The following MARCHF3 variants were observed in gnomAD, a reference collection of about 807,000 sequenced individuals.
MARCHF3 encodes the protein membrane associated ring-CH-type finger 3.
A neutral mutation model predicts 24.2 loss-of-function variants in MARCHF3; 13 were observed. That is an observed-to-expected ratio of 0.54 (90% CI 0.35 to 0.85). MARCHF3 has a LOEUF of 0.85. Among genes scored for constraint, MARCHF3 ranks in the 40% least tolerant of loss-of-function variants. The probability of loss-of-function intolerance (pLI) is 0.01; values close to 1 mark genes in which losing one functional copy is unlikely to be tolerated. For synonymous variants in MARCHF3, 144 were observed against 137.3 expected (o/e 1.05, Z -0.34); for missense variants, 276 against 325.0 (o/e 0.85, Z 1.16).
chr5:126,981,450 A>T (rs1261022474), intron 1 of MARCHF3, among the ~76,000 whole-genome samples: 1 of 152,220 alleles, frequency 6.6e-6, no homozygotes, highest in Non-Finnish European at 1.5e-5. Flanking sequence ...CTAACTTAGT[A>T]AGACGAGTCT....
intron 1 of MARCHF3, among the ~76,000 whole-genome samples, chr5:127,015,490 C>A (rs1206452938): frequency 6.6e-6 from 1 of 152,142 alleles, no homozygotes; most frequent in Non-Finnish European, 1.5e-5. Context: ...TGGCAAATGA[C>A]ACCACCCACA....
intron 3 of MARCHF3, among the ~76,000 whole-genome samples, chr5:126,897,056 T>TTTTTTTTTTTTTTTTTG (rs70997319): frequency 6.7e-6 from 1 of 148,948 alleles, no homozygotes; most frequent in Non-Finnish European, 1.5e-5. Flanking sequence ...TTTTTTTTTT[T>TTTTTTTTTTTTTTTTTG]GAGATGGAGT....
chr5:126,885,439 T>G (rs1753480774), intron 3 of MARCHF3, among the ~76,000 whole-genome samples: 1 of 152,020 alleles, frequency 6.6e-6, no homozygotes, highest in South Asian at 2.1e-4. Flanking sequence ...TGGTGGTGCA[T>G]GCCTGTAATC....
At chr5:126,920,449 T>C (rs990013762) in intron 1 of MARCHF3, among the ~76,000 whole-genome samples, 2 of 152,178 alleles carry the variant, frequency 1.3e-5, no homozygotes, top group African/African-American at 2.4e-5. Context: ...AAGGCAGCCA[T>C]AGATTAAGAG....
intron 1 of MARCHF3, among the ~76,000 whole-genome samples, chr5:126,921,436 GC>G (rs1749104324): frequency 6.6e-6 from 1 of 152,176 alleles, no homozygotes; most frequent in South Asian, 2.1e-4. Flanking sequence ...GACCTCACAA[GC>G]TGCATGCACC....
At chr5:126,904,828 A>T (rs1234863520) in intron 3 of MARCHF3, among the ~76,000 whole-genome samples, 2 of 150,334 alleles carry the variant, frequency 1.3e-5, no homozygotes, top group Non-Finnish European at 3.0e-5. Context: ...ATTAGATCCC[A>T]TTTGTCAATT....
chr5:126,973,881 T>A (rs1338137731), intron 1 of MARCHF3, among the ~76,000 whole-genome samples: 5 of 24,032 alleles, frequency 2.1e-4, no homozygotes, highest in Admixed American at 8.5e-4. Flanking sequence ...CAAAATCTAT[T>A]TTTTTTTTTT....
intron 1 of MARCHF3, among the ~76,000 whole-genome samples, chr5:127,017,078 C>T (rs972119152): frequency 5.3e-5 from 8 of 151,924 alleles, no homozygotes; most frequent in African/African-American, 9.7e-5. Context: ...AACACTTGGA[C>T]GCAGGGAGGG....
chr5:126,878,125 T>C, intron 4 of MARCHF3, 60 bp downstream of exon 4: 9 of 1,539,046 alleles, frequency 5.8e-6, no homozygotes, highest in Non-Finnish European at 8.1e-6. Context: ...GAAAGGCTTG[T>C]GCCAGCTGTG....
chr5:126,960,260 T>C (rs773948592), intron 1 of MARCHF3, among the ~76,000 whole-genome samples: 5 of 152,152 alleles, frequency 3.3e-5, no homozygotes, highest in Non-Finnish European at 5.9e-5. Context: ...TTCATCAAAT[T>C]GTTTACGGTT....
At chr5:126,934,994 ATCATTACTTCCATAT>A (rs1374765829) in intron 1 of MARCHF3, among the ~76,000 whole-genome samples, 1 of 152,200 alleles carries the variant, frequency 6.6e-6, no homozygotes, top group Non-Finnish European at 1.5e-5. Flanking sequence ...TTGGAATGGT[ATCATTACTTCCATAT>A]TCAGAAATAT....
chr5:126,972,258 A>AAAG (rs1477123976), intron 1 of MARCHF3, among the ~76,000 whole-genome samples: 1 of 152,036 alleles, frequency 6.6e-6, no homozygotes, highest in African/African-American at 2.4e-5. Context: ...AAAAAAAAAA[A>AAAG]AAAAAAAATT....
chr5:126,932,649 AG>A (rs1158457433), intron 1 of MARCHF3, among the ~76,000 whole-genome samples: 6 of 152,242 alleles, frequency 3.9e-5, no homozygotes, highest in African/African-American at 4.8e-5. Context: ...TGAAGTATGC[AG>A]AGAATATTAT....
chr5:126,993,015 G>A (rs371274242), intron 1 of MARCHF3, among the ~76,000 whole-genome samples: 55 of 152,074 alleles, frequency 3.6e-4, no homozygotes, highest in African/African-American at 1.2e-3. Flanking sequence ...CTCGTGATCC[G>A]TCCGCCTCGG....
chr5:126,894,647 C>T (rs1382796728), intron 3 of MARCHF3, among the ~76,000 whole-genome samples: 48 of 151,956 alleles, frequency 3.2e-4, no homozygotes, highest in African/African-American at 4.6e-4. Flanking sequence ...GGGTTTCTGC[C>T]GAGAGATCCG....
At chr5:126,892,102 T>C (rs926712923) in intron 3 of MARCHF3, among the ~76,000 whole-genome samples, 1 of 151,768 alleles carries the variant, frequency 6.6e-6, no homozygotes, top group Non-Finnish European at 1.5e-5. Context: ...CTGTTGCTGG[T>C]GTGTAAGAAT....
At chr5:126,949,021 A>G (rs181287266) in intron 1 of MARCHF3, among the ~76,000 whole-genome samples, 2 of 152,302 alleles carry the variant, frequency 1.3e-5, no homozygotes, top group Non-Finnish European at 2.9e-5. Flanking sequence ...TTCCTTAGTA[A>G]TCAACAAAGC....
intron 3 of MARCHF3, among the ~76,000 whole-genome samples, chr5:126,879,340 T>C (rs929049204): frequency 6.6e-6 from 1 of 152,174 alleles, no homozygotes; most frequent in Admixed American, 6.5e-5. Flanking sequence ...TAGTGAATAA[T>C]TGAGCCTGAG....
At chr5:126,982,620 C>T (rs1483895852) in intron 1 of MARCHF3, among the ~76,000 whole-genome samples, 1 of 152,166 alleles carries the variant, frequency 6.6e-6, no homozygotes, top group East Asian at 1.9e-4. Context: ...GGTAGTAGGA[C>T]AAGCAAGGGC....
Sources: allele counts gnomAD v4.1 joint callset (sites outside exome capture counted in the v4.1 genomes callset), GRCh38; gene constraint gnomAD v4.1.1; transcripts MANE v1.5; gene names NCBI Gene and HGNC (gene_info 2026-07-23, HGNC 2026-07-21).